MGAT4C: variants seen among roughly 807,000 people sequenced by gnomAD.
The protein encoded by MGAT4C is alpha-1,3-mannosyl-glycoprotein 4-beta-N-acetylglucosaminyltransferase C.
In MGAT4C, 19 loss-of-function variants were observed where a neutral mutation model predicts 40.1. The observed-to-expected ratio is 0.47, with a 90% CI of 0.33 to 0.70. The LOEUF is 0.70. Ranked by LOEUF, MGAT4C falls within the 30% of genes least tolerant of loss-of-function variation. MGAT4C has a pLI of 0.02. For synonymous variants in MGAT4C, 181 were observed against 187.1 expected (o/e 0.97, Z 0.27); for missense variants, 491 against 563.2 (o/e 0.87, Z 1.30).
chr12:86,347,867 T>C (rs1177348761), intron 3 of MGAT4C, among the ~76,000 whole-genome samples: 1 of 152,202 alleles, frequency 6.6e-6, no homozygotes, highest in East Asian at 1.9e-4. Context: ...CTTTGAACTT[T>C]CATGTTCTGT....
intron 3 of MGAT4C, among the ~76,000 whole-genome samples, chr12:86,378,940 G>C (rs1380870598): frequency 6.6e-6 from 1 of 152,070 alleles, no homozygotes; most frequent in Non-Finnish European, 1.5e-5. Context: ...TATAGATTTA[G>C]AACCAATATT....
At chr12:86,647,189 G>T (rs375442506) in intron 2 of MGAT4C, among the ~76,000 whole-genome samples, 1 of 151,894 alleles carries the variant, frequency 6.6e-6, no homozygotes, top group African/African-American at 2.4e-5. Flanking sequence ...TGAGAGCAGA[G>T]AGAAAATATA....
chr12:86,085,780 T>C (rs1376201632), intron 1 of MGAT4C, among the ~76,000 whole-genome samples: 1 of 151,996 alleles, frequency 6.6e-6, no homozygotes, highest in Non-Finnish European at 1.5e-5. Context: ...CCAACACATA[T>C]ATAAGAAAAA....
intron 2 of MGAT4C, among the ~76,000 whole-genome samples, chr12:86,719,059 GTTC>G (rs1950696226): frequency 6.6e-6 from 1 of 152,122 alleles, no homozygotes; most frequent in Non-Finnish European, 1.5e-5. Flanking sequence ...ACCATATTCT[GTTC>G]TTCAAGTTAG....
intron 2 of MGAT4C, among the ~76,000 whole-genome samples, chr12:86,688,205 T>G (rs1455213822): frequency 7.0e-6 from 1 of 143,242 alleles, no homozygotes; most frequent in Admixed American, 7.1e-5. Context: ...TTGGTAAATA[T>G]TCCTCCATCC....
rs1951433706 is a variant in MGAT4C, at chr12:86,762,985, C to T, written c.-261-35744G>A. Among the ~76,000 whole-genome samples the T allele has an allele frequency of 2.6e-5, 4 of 152,260 alleles. No homozygotes were observed. In the South Asian group the frequency reaches 6.2e-4, roughly 24 times the overall value. Reference sequence around the variant, plus strand: ...CCATGGGATTTATGCTTCTTCAAGACATTTTGTTACAAAATGTACCTTATT... The same window carrying T: ...CCATGGGATTTATGCTTCTTCAAGATATTTTGTTACAAAATGTACCTTATT... On this transcript the variant is annotated intron_variant, in intron 1 of 7. Transcript: ENST00000548651.
At chr12:86,045,713 A>G (rs937370722) in intron 2 of MGAT4C, among the ~76,000 whole-genome samples, 1 of 152,180 alleles carries the variant, frequency 6.6e-6, no homozygotes, top group Non-Finnish European at 1.5e-5. Flanking sequence ...TGTAAGGAGG[A>G]AATGTGCTCA....
chr12:86,234,663 C>A (rs1279541991), intron 1 of MGAT4C, among the ~76,000 whole-genome samples: 1 of 152,124 alleles, frequency 6.6e-6, no homozygotes, highest in East Asian at 1.9e-4. Flanking sequence ...GTCCTCTCTA[C>A]TTAATAACCT....
intron 1 of MGAT4C, among the ~76,000 whole-genome samples, chr12:86,125,900 T>G (rs1031759735): frequency 2.0e-5 from 3 of 151,846 alleles, no homozygotes; most frequent in African/African-American, 7.2e-5. Context: ...CTATTGGAAA[T>G]CAGAATTTTT....
At chr12:86,034,592 T>A (rs1049653683) in intron 2 of MGAT4C, among the ~76,000 whole-genome samples, 7 of 149,084 alleles carry the variant, frequency 4.7e-5, no homozygotes, top group African/African-American at 9.7e-5. Flanking sequence ...AATTTTTTTT[T>A]ATTATACTTT....
chr12:86,761,366 A>G (rs1188813626), intron 1 of MGAT4C, among the ~76,000 whole-genome samples: 2 of 152,168 alleles, frequency 1.3e-5, no homozygotes, highest in Non-Finnish European at 2.9e-5. Context: ...AAGTGTAATT[A>G]TTTACAAAGA....
intron 2 of MGAT4C, among the ~76,000 whole-genome samples, chr12:86,644,590 A>T (rs545586820): frequency 2.6e-5 from 4 of 151,780 alleles, no homozygotes; most frequent in Non-Finnish European, 5.9e-5. Flanking sequence ...TACCCGAAGT[A>T]TCAACGAGCC....
At chr12:86,550,829 C>T (rs1362726828) in intron 2 of MGAT4C, among the ~76,000 whole-genome samples, 1 of 152,210 alleles carries the variant, frequency 6.6e-6, no homozygotes, top group Non-Finnish European at 1.5e-5. Context: ...GACATGCACC[C>T]TGGCTGGCAG....
rs750217452 is a variant in MGAT4C at position 85,979,245 on chromosome 12, G to A, written c.*44C>T. 6.8e-7 allele frequency: 1 copy of A among 1,460,344 alleles called. No individual in the cohort carries two copies. Among genetic ancestry groups the A allele is most frequent in the South Asian group, 1.4e-5 (1 of 71,506 alleles). 90.5% of individuals were successfully genotyped at this position (1,460,344 alleles called of 1,614,324 possible). On this transcript the variant is annotated 3_prime_UTR_variant, in exon 5 of 5. Transcript: ENST00000611864. Reference sequence around the variant, plus strand: ...AAAGACAAAGGTAGCAAAAGACGAAGCAGGAAGAACTGCTTCAGAAACTGA... The same window carrying A: ...AAAGACAAAGGTAGCAAAAGACGAAACAGGAAGAACTGCTTCAGAAACTGA...
intron 2 of MGAT4C, among the ~76,000 whole-genome samples, chr12:86,668,544 G>A (rs1049503803): frequency 6.6e-6 from 1 of 152,202 alleles, no homozygotes; most frequent in Non-Finnish European, 1.5e-5. Context: ...TGGACCAAGA[G>A]CAGCACACCA....
intron 1 of MGAT4C, among the ~76,000 whole-genome samples, chr12:86,804,824 T>C (rs1352107209): frequency 1.3e-5 from 2 of 152,098 alleles, no homozygotes; most frequent in East Asian, 3.9e-4. Flanking sequence ...ATTTTGAGAA[T>C]AAATTCACAA....
chr12:86,797,758 T>C (rs1952154101), intron 1 of MGAT4C, among the ~76,000 whole-genome samples: 1 of 152,026 alleles, frequency 6.6e-6, no homozygotes, highest in Admixed American at 6.6e-5. Context: ...TAAGGCACTT[T>C]ATTGATAATA....
At chr12:86,283,165 G>A (rs1455285333) in intron 4 of MGAT4C, among the ~76,000 whole-genome samples, 1 of 151,292 alleles carries the variant, frequency 6.6e-6, no homozygotes, top group Non-Finnish European at 1.5e-5. Context: ...CTTTTCTTGG[G>A]TTCTACCATT....
At chr12:86,446,660 TATATA>T (rs1196231274) in intron 2 of MGAT4C, among the ~76,000 whole-genome samples, 2 of 25,782 alleles carry the variant, frequency 7.8e-5, no homozygotes, top group Non-Finnish European at 1.6e-4. Flanking sequence ...ATGTAACTCA[TATATA>T]TATATATATA....
Sources: allele counts gnomAD v4.1 joint callset (sites outside exome capture counted in the v4.1 genomes callset), GRCh38; gene constraint gnomAD v4.1.1; transcripts MANE v1.5; gene names NCBI Gene and HGNC (gene_info 2026-07-23, HGNC 2026-07-21).